Variants in GRM1 observed in about 807,000 individuals in gnomAD.
The protein encoded by GRM1 is metabotropic glutamate receptor 1.
A neutral mutation model predicts 90.9 loss-of-function variants in GRM1; 33 were observed. That is an observed-to-expected ratio of 0.36 (90% CI 0.28 to 0.49). The LOEUF (loss-of-function observed/expected upper bound fraction) is 0.49, where lower values mean the gene tolerates loss of function less well. Ranked by LOEUF, GRM1 falls within the 20% of genes least tolerant of loss-of-function variation. The pLI, the probability that GRM1 is intolerant of heterozygous loss-of-function variation, is 0.99. For synonymous variants in GRM1, 700 were observed against 613.2 expected (o/e 1.14, Z -2.09); for missense variants, 1,190 against 1,534.3 (o/e 0.78, Z 3.75).
intron 2 of GRM1, among the ~76,000 whole-genome samples, chr6:146,287,309 C>A (rs1215113409): frequency 6.6e-6 from 1 of 152,146 alleles, no homozygotes; most frequent in Non-Finnish European, 1.5e-5. Flanking sequence ...AGGTCAGGGT[C>A]CTAGATAAGT....
chr6:146,254,075 T>G (rs1781396390), intron 2 of GRM1, among the ~76,000 whole-genome samples: 1 of 152,126 alleles, frequency 6.6e-6, no homozygotes, highest in South Asian at 2.1e-4. Context: ...ATAAACAACT[T>G]TGGCTAATTA....
chr6:146,286,660 G>A (rs1187510379), intron 2 of GRM1, among the ~76,000 whole-genome samples: 1 of 152,182 alleles, frequency 6.6e-6, no homozygotes, highest in African/African-American at 2.4e-5. Context: ...TAGATATAAG[G>A]AAATAAGTGA....
intron 7 of GRM1, among the ~76,000 whole-genome samples, chr6:146,432,133 GAT>G (rs1173806874): frequency 3.9e-5 from 6 of 152,196 alleles, no homozygotes; most frequent in Non-Finnish European, 5.9e-5. Flanking sequence ...CACAGTCTCA[GAT>G]AATGTGTAAG....
At chr6:146,267,687 G>GTCTCGT (rs1562568711) in intron 2 of GRM1, among the ~76,000 whole-genome samples, 1 of 102,428 alleles carries the variant, frequency 9.8e-6, no homozygotes, top group African/African-American at 8.5e-5. Context: ...GCTGGGCTCG[G>GTCTCGT]CTCGGCTCGG....
chr6:146,200,947 T>G (rs949089339), intron 2 of GRM1, among the ~76,000 whole-genome samples: 2 of 152,172 alleles, frequency 1.3e-5, no homozygotes, highest in Non-Finnish European at 2.9e-5. Flanking sequence ...CTCTGCTCAT[T>G]TCTTGGCTGT....
chr6:146,046,364 A>C (rs111368936), intron 1 of GRM1, among the ~76,000 whole-genome samples: 3 of 152,118 alleles, frequency 2.0e-5, no homozygotes, highest in African/African-American at 7.2e-5. Context: ...TAAGTCCTTG[A>C]TTTGAAAAGA....
At chr6:146,345,859 T>A (rs559888711) in intron 3 of GRM1, among the ~76,000 whole-genome samples, 5 of 152,304 alleles carry the variant, frequency 3.3e-5, no homozygotes, top group East Asian at 1.9e-4. Flanking sequence ...AGCAGTCAGC[T>A]CTCTGTAGCA....
chr6:146,373,079 G>A (rs749677800), intron 5 of GRM1, among the ~76,000 whole-genome samples: 4 of 151,990 alleles, frequency 2.6e-5, no homozygotes, highest in Non-Finnish European at 5.9e-5. Context: ...AACGATATTG[G>A]TTTATTCTAA....
intron 1 of GRM1, among the ~76,000 whole-genome samples, chr6:146,041,282 G>T (rs1160401816): frequency 6.6e-6 from 1 of 151,984 alleles, no homozygotes; most frequent in African/African-American, 2.4e-5. Context: ...ATTTGGGAAG[G>T]TTATGGCTCC....
chr6:146,377,847 A>T (rs1265537723), intron 5 of GRM1, among the ~76,000 whole-genome samples: 2 of 152,118 alleles, frequency 1.3e-5, no homozygotes, highest in Non-Finnish European at 2.9e-5. Flanking sequence ...AGCTCAAGCC[A>T]TTGCTTCAGA....
At chr6:146,096,182 T>C (rs1179731525) in intron 1 of GRM1, among the ~76,000 whole-genome samples, 1 of 152,166 alleles carries the variant, frequency 6.6e-6, no homozygotes, top group African/African-American at 2.4e-5. Context: ...TGGAGATATA[T>C]TTGATTTTAT....
chr6:146,045,058 T>C (rs1182043603), intron 1 of GRM1, among the ~76,000 whole-genome samples: 1 of 151,974 alleles, frequency 6.6e-6, no homozygotes, highest in Non-Finnish European at 1.5e-5. Flanking sequence ...TGGAAGCCCC[T>C]TCTCATAATT....
chr6:146,399,266 T>C lies in GRM1; in HGVS notation c.2227T>C (p.Tyr743His). The C allele has an allele frequency of 6.2e-7, 1 of 1,614,124 alleles. No individual in the cohort carries two copies. Among genetic ancestry groups the C allele is most frequent in the Non-Finnish European group, 8.5e-7 (1 of 1,180,018 alleles). ...ILSYPSIKEVYLICNTSNLGV... is the reference protein window; with the variant it reads ...ILSYPSIKEVHLICNTSNLGV... ...GTCCTACCCAAGTATCAAGGAAGTC[T>C]ACCTTATCTGCAATACCAGCAACCT... The change falls in exon 7 of 8, where the codon TAC becomes CAC. Residue 743 changes from tyrosine (Y) to histidine (H), a missense_variant. Tyr to His is a moderately conservative substitution (Grantham distance 83). Transcript: ENST00000282753. The surrounding 1 kb of genome is among the most constrained non-coding windows in gnomAD (Gnocchi z 5.4).
intron 2 of GRM1, among the ~76,000 whole-genome samples, chr6:146,304,257 T>C (rs1464924410): frequency 6.6e-6 from 1 of 152,178 alleles, no homozygotes; most frequent in Non-Finnish European, 1.5e-5. Flanking sequence ...CTAGATTTTA[T>C]TTTCTTCTGG....
intron 2 of GRM1, among the ~76,000 whole-genome samples, chr6:146,302,916 G>A (rs1321603645): frequency 6.6e-6 from 1 of 151,892 alleles, no homozygotes; most frequent in Non-Finnish European, 1.5e-5. Flanking sequence ...GAGGGAGGAA[G>A]GAAGGAAGGA....
At chr6:146,180,704 A>G (rs1299989620) in intron 2 of GRM1, among the ~76,000 whole-genome samples, 14 of 152,020 alleles carry the variant, frequency 9.2e-5, no homozygotes, top group Admixed American at 8.5e-4. Flanking sequence ...CTTAAACTTT[A>G]CTAAAATTGG....
At chr6:146,397,206 G>A (rs1349984719) in intron 6 of GRM1, among the ~76,000 whole-genome samples, 1 of 151,988 alleles carries the variant, frequency 6.6e-6, no homozygotes. Context: ...AAGCTGGCTG[G>A]GTGTGGTGGC....
chr6:146,269,051 G>A (rs1782019282), intron 2 of GRM1, among the ~76,000 whole-genome samples: 1 of 152,036 alleles, frequency 6.6e-6, no homozygotes, highest in African/African-American at 2.4e-5. Flanking sequence ...CTTACAAAAG[G>A]TACTCAAGAT....
At chr6:146,234,446 G>A (rs1456890531) in intron 2 of GRM1, among the ~76,000 whole-genome samples, 3 of 151,536 alleles carry the variant, frequency 2.0e-5, no homozygotes, top group Non-Finnish European at 2.9e-5. Flanking sequence ...TGATTCATTT[G>A]TCTTTATGAT....
Sources: gnomAD v4.1 joint callset for allele counts (sites outside exome capture counted in the v4.1 genomes callset) on GRCh38, gnomAD v4.1.1 for gene constraint, Gnocchi (gnomAD v3.1) non-coding constraint, MANE v1.5 for transcripts, NCBI Gene and HGNC (gene_info 2026-07-23, HGNC 2026-07-21) for gene names.